Variants in KCNN2 observed in about 807,000 individuals in gnomAD.
The protein encoded by KCNN2 is small conductance calcium-activated potassium channel protein 2.
Under a neutral mutation model 55.5 loss-of-function variants are expected in KCNN2, and 24 were observed. That is an observed-to-expected ratio of 0.43 (90% CI 0.31 to 0.61). The LOEUF (loss-of-function observed/expected upper bound fraction) is 0.61. Among genes scored for constraint, KCNN2 ranks in the 20% least tolerant of loss-of-function variants. KCNN2 has a pLI of 0.08. For synonymous variants in KCNN2, 431 were observed against 336.1 expected, an observed-to-expected ratio of 1.28 and a Z score of -3.09; for missense variants, 754 against 853.6, an observed-to-expected ratio of 0.88 and a Z score of 1.45.
chr5:114,316,979 C>T (rs559748657), intron 2 of KCNN2, among the ~76,000 whole-genome samples: 1 of 152,312 alleles, frequency 6.6e-6, no homozygotes, highest in East Asian at 1.9e-4. Context: ...TGAGCTCATG[C>T]TAAGGCCCTT....
chr5:114,336,540 C>T (rs1756927723), intron 2 of KCNN2, among the ~76,000 whole-genome samples: 1 of 152,058 alleles, frequency 6.6e-6, no homozygotes, highest in Admixed American at 6.5e-5. Flanking sequence ...GACACTATAC[C>T]AACACTCACA....
At chr5:114,460,184 T>C (rs1472795273) in intron 3 of KCNN2, among the ~76,000 whole-genome samples, 1 of 152,164 alleles carries the variant, frequency 6.6e-6, no homozygotes, top group Admixed American at 6.5e-5. Context: ...CTTACTTCTC[T>C]TCGTAGTTAC....
At chr5:114,416,339 T>G (rs1428730898) in intron 3 of KCNN2, among the ~76,000 whole-genome samples, 1 of 152,058 alleles carries the variant, frequency 6.6e-6, no homozygotes, top group East Asian at 1.9e-4. Context: ...ACATTTGCAA[T>G]GTGTCTGACC....
intron 6 of KCNN2, among the ~76,000 whole-genome samples, chr5:114,492,026 C>T (rs915849055): frequency 2.0e-5 from 3 of 152,036 alleles, no homozygotes; most frequent in African/African-American, 4.8e-5. Flanking sequence ...AAAAAGGAGC[C>T]AATTAACTTC....
At chr5:114,349,254 AAT>A (rs1466562608) in intron 2 of KCNN2, among the ~76,000 whole-genome samples, 1 of 152,042 alleles carries the variant, frequency 6.6e-6, no homozygotes, top group Non-Finnish European at 1.5e-5. Context: ...ACTGGTGAAT[AAT>A]ATTCTATTGT....
chr5:114,243,288 G>T (rs942809438), intron 2 of KCNN2, among the ~76,000 whole-genome samples: 1 of 152,128 alleles, frequency 6.6e-6, no homozygotes, highest in Non-Finnish European at 1.5e-5. Flanking sequence ...TATGTTTACG[G>T]TAGTCTCCCC....
At chr5:114,157,502 A>C (rs368342024) in intron 1 of KCNN2, among the ~76,000 whole-genome samples, 2 of 152,076 alleles carry the variant, frequency 1.3e-5, no homozygotes, top group African/African-American at 4.8e-5. Flanking sequence ...ATGATTTATA[A>C]TCCTTTGGGT....
chr5:114,424,430 T>A (rs1759558550), intron 3 of KCNN2, among the ~76,000 whole-genome samples: 1 of 152,192 alleles, frequency 6.6e-6, no homozygotes, highest in African/African-American at 2.4e-5. Flanking sequence ...AATCTTGAGG[T>A]TCTATGCTAC....
At chr5:114,189,606 G>C (rs546863957) in intron 1 of KCNN2, among the ~76,000 whole-genome samples, 1 of 152,014 alleles carries the variant, frequency 6.6e-6, no homozygotes, top group African/African-American at 2.4e-5. Flanking sequence ...AAACTAACTC[G>C]TATGTTTTAC....
At chr5:114,371,850 G>A (rs537173251) in intron 2 of KCNN2, among the ~76,000 whole-genome samples, 5 of 152,212 alleles carry the variant, frequency 3.3e-5, no homozygotes, top group African/African-American at 1.2e-4. Flanking sequence ...TTTCAGATAG[G>A]ATCTTCCAGT....
intron 2 of KCNN2, among the ~76,000 whole-genome samples, chr5:114,249,298 T>A (rs1754812317): frequency 1.3e-5 from 2 of 150,222 alleles, no homozygotes; most frequent in East Asian, 2.0e-4. Context: ...TTCTTTTTTT[T>A]AATGAGAGGG....
At chr5:114,234,675 G>A (rs1427574402) in intron 2 of KCNN2, among the ~76,000 whole-genome samples, 3 of 152,192 alleles carry the variant, frequency 2.0e-5, no homozygotes, top group South Asian at 2.1e-4. Flanking sequence ...GTGTGTAAAC[G>A]GGAGGTGGAG....
intron 1 of KCNN2, among the ~76,000 whole-genome samples, chr5:114,215,670 T>C (rs1282430808): frequency 6.6e-6 from 1 of 152,142 alleles, no homozygotes; most frequent in African/African-American, 2.4e-5. Flanking sequence ...TCTGCATTGA[T>C]TACTCCCTGG....
intron 1 of KCNN2, among the ~76,000 whole-genome samples, chr5:114,099,348 C>T (rs1298935935): frequency 3.3e-5 from 5 of 152,280 alleles, no homozygotes; most frequent in African/African-American, 1.2e-4. Context: ...ACTCCCACTT[C>T]CTCTTTCCAC....
chr5:114,254,219 A>G (rs1385336879), intron 2 of KCNN2, among the ~76,000 whole-genome samples: 2 of 152,208 alleles, frequency 1.3e-5, no homozygotes, highest in Admixed American at 6.5e-5. Context: ...ATACGAAAAG[A>G]TAGAAAATAT....
exon 1 of KCNN2, chr5:114,056,239 T>A (rs1483395935): frequency 2.5e-6 from 1 of 396,232 alleles, no homozygotes; most frequent in African/African-American, 2.1e-5. Flanking sequence ...CGGCTGGCTC[T>A]CTGCTCCCCG....
At chr5:114,248,610 G>T (rs1000514201) in intron 2 of KCNN2, among the ~76,000 whole-genome samples, 5 of 152,088 alleles carry the variant, frequency 3.3e-5, no homozygotes, top group Admixed American at 1.3e-4. Context: ...ACATGGTTTT[G>T]TAGTCTCATT....
intron 3 of KCNN2, among the ~76,000 whole-genome samples, chr5:114,442,163 A>C (rs1760238814): frequency 6.6e-6 from 1 of 151,978 alleles, no homozygotes; most frequent in South Asian, 2.1e-4. Context: ...CATTATTAGA[A>C]ACCACAATCT....
At chr5:114,153,317 C>G (rs1036737479) in intron 1 of KCNN2, among the ~76,000 whole-genome samples, 105 of 152,248 alleles carry the variant, frequency 6.9e-4, no homozygotes, top group African/African-American at 2.4e-3. Context: ...TGTTCTCACT[C>G]CAGTAGGCTG....
Sources: gnomAD v4.1 joint callset for allele counts (sites outside exome capture counted in the v4.1 genomes callset) on GRCh38, gnomAD v4.1.1 for gene constraint, MANE v1.5 for transcripts, NCBI Gene and HGNC (gene_info 2026-07-23, HGNC 2026-07-21) for gene names.